The following RGS6 variants were observed in gnomAD, a reference collection of about 807,000 sequenced individuals.
The protein encoded by RGS6 is regulator of G-protein signaling 6.
RGS6 carries 30 observed loss-of-function variants against 78.5 expected under a neutral mutation model. The observed-to-expected ratio is 0.38, with a 90% CI of 0.29 to 0.52. The LOEUF (loss-of-function observed/expected upper bound fraction) is 0.52, where lower values mean the gene tolerates loss of function less well. Ranked by LOEUF, RGS6 falls within the 20% of genes least tolerant of loss-of-function variation. The pLI is 0.85. For missense variants in RGS6, 495 were observed against 609.7 expected (o/e 0.81, Z 1.98); for synonymous variants, 206 against 206.0 (o/e 1.00, Z 0.00).
chr14:71,902,124 T>A, the RGS6 span, among the ~76,000 whole-genome samples: 14 of 152,282 alleles, frequency 9.2e-5, no homozygotes, highest in East Asian at 1.9e-3. Flanking sequence ...GTTGATCAAC[T>A]GAAAACCAAC....
chr14:72,296,433 A>G (rs547878395), intron 2 of RGS6, among the ~76,000 whole-genome samples: 36 of 152,326 alleles, frequency 2.4e-4, no homozygotes, highest in Admixed American at 2.4e-3. Flanking sequence ...ACAATTATCC[A>G]TTTTACACAT....
chr14:72,144,671 C>T (rs1392618680), intron 2 of RGS6, among the ~76,000 whole-genome samples: 1 of 151,954 alleles, frequency 6.6e-6, no homozygotes. Context: ...AAGCTGGGAA[C>T]AGAGTGGAGA....
At chr14:72,048,473 AATC>A (rs2093019675) in intron 2 of RGS6, among the ~76,000 whole-genome samples, 1 of 152,192 alleles carries the variant, frequency 6.6e-6, no homozygotes, top group African/African-American at 2.4e-5. Context: ...CAGAAAGAGA[AATC>A]ATGAGGCAGT....
the RGS6 span, among the ~76,000 whole-genome samples, chr14:72,611,912 A>G: frequency 2.6e-5 from 4 of 152,136 alleles, no homozygotes; most frequent in African/African-American, 9.7e-5. Flanking sequence ...TGATGGCGCG[A>G]TACTTGACCT....
At position 72,502,348 on chromosome 14, in the gene RGS6, A is replaced by G. The variant is rs556820640; in HGVS notation, c.965+7086A>G. Among the ~76,000 whole-genome samples, 13 of 152,328 alleles carry G rather than the reference A, an allele frequency of 8.5e-5. 1 individual carries two copies. The South Asian group carries it at 2.5e-3, about 29-fold the overall frequency. On this transcript the variant is annotated intron_variant, in intron 13 of 17. Transcript: ENST00000553525. Reference sequence around the variant, plus strand: ...TGACCCCACCTCCAGCTGCCATCCAACTACAACCATGTGATCCCCAAGTGA... The same window carrying G: ...TGACCCCACCTCCAGCTGCCATCCAGCTACAACCATGTGATCCCCAAGTGA...
chr14:72,572,468 A>G, the RGS6 span, among the ~76,000 whole-genome samples: 2 of 152,274 alleles, frequency 1.3e-5, no homozygotes, highest in Non-Finnish European at 2.9e-5. Context: ...TTGGCAATAA[A>G]AAGGAATGAA....
intron 15 of RGS6, among the ~76,000 whole-genome samples, chr14:72,520,344 C>T (rs2153464547): frequency 6.6e-6 from 1 of 152,262 alleles, no homozygotes. Context: ...ATCTCTCTTT[C>T]CTATAAATTC....
Position 72,208,334 on chromosome 14 carries a change from T to C in RGS6, c.85-143761T>C, listed in dbSNP as rs377125797. On this transcript the variant is annotated intron_variant, in intron 2 of 17. Coordinates refer to ENST00000553525, the MANE Select transcript of RGS6 (RefSeq NM_001204424.2). ...GAGCAAAGAGAGAGAAGTCCTGTCCTGGTGATACTGGGATGAGCCTTTCAT... is the reference window on the plus strand; with the variant it reads ...GAGCAAAGAGAGAGAAGTCCTGTCCCGGTGATACTGGGATGAGCCTTTCAT... Among the ~76,000 whole-genome samples, 13 of 152,336 alleles carry C rather than the reference T, an allele frequency of 8.5e-5. 1 individual carries two copies. Among genetic ancestry groups the C allele is most frequent in the African/African-American group, 2.9e-4 (12 of 41,582 alleles).
intron 2 of RGS6, among the ~76,000 whole-genome samples, chr14:72,226,211 A>G (rs1019745414): frequency 6.6e-6 from 1 of 152,238 alleles, no homozygotes; most frequent in Non-Finnish European, 1.5e-5. Context: ...TGAAAATACC[A>G]CTGAAATCAT....
At chr14:72,174,887 T>C (rs1429999910) in intron 2 of RGS6, among the ~76,000 whole-genome samples, 5 of 152,120 alleles carry the variant, frequency 3.3e-5, no homozygotes, top group Admixed American at 3.3e-4. Flanking sequence ...CTATCAAGCA[T>C]TTTCTCTACT....
chr14:72,194,145 G>A (rs954504204), intron 2 of RGS6, among the ~76,000 whole-genome samples: 3 of 152,000 alleles, frequency 2.0e-5, no homozygotes, highest in African/African-American at 4.8e-5. Flanking sequence ...AGGAACGGTC[G>A]GTCAGATCGT....
At chr14:72,566,629 T>A (rs1442579307), downstream of RGS6, 1 of 105,834 alleles carries the variant, frequency 9.4e-6, no homozygotes, top group Non-Finnish European at 1.9e-5. Context: ...TTCCCCATTA[T>A]CACACACACA....
chr14:72,165,183 A>G (rs2096907641), intron 2 of RGS6, among the ~76,000 whole-genome samples: 1 of 152,368 alleles, frequency 6.6e-6, no homozygotes, highest in Admixed American at 6.5e-5. Flanking sequence ...AACATGAGTC[A>G]GGCACAGACA....
chr14:72,612,934 T>C, the RGS6 span, among the ~76,000 whole-genome samples: 2 of 152,054 alleles, frequency 1.3e-5, no homozygotes, highest in Non-Finnish European at 2.9e-5. Flanking sequence ...TGGCAGCCCC[T>C]GGCTCTCCCT....
At chr14:71,971,821 C>G (rs529651856) in intron 2 of RGS6, among the ~76,000 whole-genome samples, 4 of 150,960 alleles carry the variant, frequency 2.6e-5, no homozygotes, top group Non-Finnish European at 5.9e-5. Flanking sequence ...ATGGTGGACT[C>G]GGTTCTTCGT....
At chr14:72,302,153 C>T (rs77150619) in intron 2 of RGS6, among the ~76,000 whole-genome samples, 2,171 of 152,352 alleles carry the variant, frequency 0.014, 44 homozygotes, top group African/African-American at 0.049. Flanking sequence ...GATACTTGCT[C>T]TCCTATGTTA....
intron 2 of RGS6, among the ~76,000 whole-genome samples, chr14:72,181,947 C>T (rs1457989100): frequency 6.6e-6 from 1 of 152,140 alleles, no homozygotes; most frequent in Non-Finnish European, 1.5e-5. Flanking sequence ...TACTAAGTGA[C>T]TGATTTACCA....
the RGS6 span, among the ~76,000 whole-genome samples, chr14:71,924,706 T>C: frequency 6.6e-6 from 1 of 152,228 alleles, no homozygotes; most frequent in African/African-American, 2.4e-5. Flanking sequence ...TTCATTCATG[T>C]AGTAGCAAAT....
In RGS6 at chr14:72,157,984, C is replaced by T. The variant is rs150310133; in HGVS notation, c.84+193109C>T. On this transcript the variant is annotated intron_variant, in intron 2 of 17. Transcript: ENST00000553525. The stretch of plus-strand genomic sequence containing the variant: ...ATTAGGTATTTCTCCTAATGCTATC[C>T]CTCCCTTAGCCCCGCACTTTGTCCA... 3.5e-3 allele frequency among the ~76,000 whole-genome samples: 529 copies of T among 152,198 alleles called. 4 individuals carry two copies. The highest frequency in any genetic ancestry group is 0.012 in the African/African-American group (491 of 41,486).
Sources: gnomAD v4.1 joint callset for allele counts (sites outside exome capture counted in the v4.1 genomes callset) on GRCh38, gnomAD v4.1.1 for gene constraint, MANE v1.5 for transcripts, NCBI Gene and HGNC (gene_info 2026-07-23, HGNC 2026-07-21) for gene names.